KDM2A: variants seen among roughly 807,000 people sequenced by gnomAD.
The protein encoded by KDM2A is lysine demethylase 2A.
A neutral mutation model predicts 137.3 loss-of-function variants in KDM2A; 3 were observed. The ratio of observed to expected loss-of-function variants is 0.02; its 90% confidence interval spans 0.01 to 0.06. KDM2A has a LOEUF of 0.06. Ranked by LOEUF, KDM2A falls within the 10% of genes least tolerant of loss-of-function variation. KDM2A has a pLI of 1.00. For synonymous variants in KDM2A, 512 were observed against 541.5 expected, an observed-to-expected ratio of 0.95 and a Z score of 0.76; for missense variants, 738 against 1,510.6, an observed-to-expected ratio of 0.49 and a Z score of 8.48.
chr11:67,238,784 G>A (rs1347277374), intron 12 of KDM2A, among the ~76,000 whole-genome samples: 4 of 152,174 alleles, frequency 2.6e-5, no homozygotes, highest in Non-Finnish European at 5.9e-5. Flanking sequence ...ATTTGTAAGG[G>A]TCTAAAAGTC....
rs779266193 is a variant in KDM2A, at chr11:67,248,357, C to T, written c.2042C>T (p.Ser681Leu). 9 of 1,601,648 alleles carry T rather than the reference C, an allele frequency of 5.6e-6. No homozygotes were observed. The highest frequency in any genetic ancestry group is 7.7e-6 in the Non-Finnish European group (9 of 1,173,762). The change falls in exon 16 of 21, where the codon TCG becomes TTG. Residue 681 changes from serine (S) to leucine (L), a missense_variant. By Grantham distance (145) the Ser-to-Leu change is moderately radical (BLOSUM62 -2). Coordinates refer to ENST00000529006, the MANE Select transcript of KDM2A (RefSeq NM_012308.3). ...CCAAAGTGCTACCAGGAGGACAGCT[C>T]GGAGAAAGCCCAGGTAAAGGAACCT... ...ECPKCYQEDS[S>L]EKAQKRKMEE...
intron 17 of KDM2A, 172 bp from the exon 18 acceptor site, chr11:67,252,522 G>A: frequency 2.9e-6 from 2 of 683,750 alleles, no homozygotes; most frequent in Non-Finnish European, 5.2e-6. Flanking sequence ...TAGAGTTCAA[G>A]GCAATTTTTT....
At chr11:67,169,715 TTCTCTCTCTCTCTCTCCTTCTCTCTCTC>T (rs1856832938) in intron 2 of KDM2A, among the ~76,000 whole-genome samples, 1 of 136,936 alleles carries the variant, frequency 7.3e-6, no homozygotes, top group African/African-American at 2.5e-5. Flanking sequence ...TTCTTTTTTC[TTCTCTCTCTCTCTCTCCTTCTCTCTCTC>T]TCTCTCTCTC....
chr11:67,246,574 A>T (rs1859214580), intron 15 of KDM2A, among the ~76,000 whole-genome samples: 1 of 145,746 alleles, frequency 6.9e-6, no homozygotes, highest in Non-Finnish European at 1.5e-5. Flanking sequence ...AAATAGCTTT[A>T]AAAAAAAAAA....
At chr11:67,247,072 T>TTTTA (rs1859266027) in intron 15 of KDM2A, among the ~76,000 whole-genome samples, 1 of 18,354 alleles carries the variant, frequency 5.4e-5, no homozygotes, top group African/African-American at 2.0e-4. Context: ...TATATATATA[T>TTTTA]TTTTTTTTTT....
intron 9 of KDM2A, among the ~76,000 whole-genome samples, chr11:67,218,195 T>G (rs1448540262): frequency 6.6e-6 from 1 of 152,170 alleles, no homozygotes; most frequent in Non-Finnish European, 1.5e-5. Flanking sequence ...TGATACACAA[T>G]CTATGTTGAA....
chr11:67,128,580 A>G (rs1002315915), intron 2 of KDM2A, among the ~76,000 whole-genome samples: 1 of 152,138 alleles, frequency 6.6e-6, no homozygotes, highest in African/African-American at 2.4e-5. Context: ...GGGTGATTCA[A>G]AAATGCAGAT....
chr11:67,206,605 G>A (rs1033559573), intron 5 of KDM2A, among the ~76,000 whole-genome samples: 1 of 151,992 alleles, frequency 6.6e-6, no homozygotes, highest in East Asian at 1.9e-4. Context: ...GGGTAGTGGC[G>A]TGTGCCTGTA....
chr11:67,169,240 C>T (rs1176363559), intron 2 of KDM2A, among the ~76,000 whole-genome samples: 2 of 152,020 alleles, frequency 1.3e-5, no homozygotes, highest in East Asian at 3.9e-4. Flanking sequence ...AGGCGTGAGC[C>T]ACTGCACCCG....
intron 5 of KDM2A, among the ~76,000 whole-genome samples, chr11:67,205,921 C>T (rs1240732129): frequency 1.3e-5 from 2 of 152,032 alleles, no homozygotes; most frequent in African/African-American, 4.8e-5. Context: ...TATTCTTCTC[C>T]CTCTTTTCCT....
intron 10 of KDM2A, among the ~76,000 whole-genome samples, chr11:67,219,911 T>C (rs1858289915): frequency 6.6e-6 from 1 of 152,170 alleles, no homozygotes; most frequent in South Asian, 2.1e-4. Flanking sequence ...CTGTGAGGTT[T>C]TTGGTATCTT....
At chr11:67,225,322 G>A (rs1425663755) in intron 10 of KDM2A, among the ~76,000 whole-genome samples, 2 of 152,106 alleles carry the variant, frequency 1.3e-5, no homozygotes, top group East Asian at 1.9e-4. Flanking sequence ...AGAAAACATA[G>A]CATTCCTATG....
rs1859560762 is a variant in KDM2A at position 67,255,160 on chromosome 11, C to T, written c.*105C>T. On this transcript the variant is annotated 3_prime_UTR_variant, in exon 21 of 21. Coordinates refer to ENST00000529006, the MANE Select transcript of KDM2A (RefSeq NM_012308.3). Reference sequence around the variant, plus strand: ...CGGGCTCTGAGGCCAGCGTCACACTCCCTCTCTGCTCTCCTGTCCCTTGAG... The same window carrying T: ...CGGGCTCTGAGGCCAGCGTCACACTTCCTCTCTGCTCTCCTGTCCCTTGAG... 2 of 983,834 alleles carry T rather than the reference C, an allele frequency of 2.0e-6. No homozygotes were observed. Among genetic ancestry groups the T allele is most frequent in the Non-Finnish European group, 3.0e-6 (2 of 663,872 alleles). The allele number at this position is 983,834 out of a possible 1,614,324, so 60.9% of individuals were successfully genotyped here.
At chr11:67,221,964 C>T (rs569006636) in intron 10 of KDM2A, among the ~76,000 whole-genome samples, 1 of 145,378 alleles carries the variant, frequency 6.9e-6, no homozygotes, top group East Asian at 2.0e-4. Flanking sequence ...GATGTCTATT[C>T]TAAAATAGGT....
At chr11:67,121,919 T>C (rs1221122367) in intron 2 of KDM2A, among the ~76,000 whole-genome samples, 2 of 152,214 alleles carry the variant, frequency 1.3e-5, no homozygotes, top group Non-Finnish European at 2.9e-5. Context: ...GGGAGGAATG[T>C]ACGAGATAGA....
chr11:67,125,053 G>A (rs1187726365), intron 2 of KDM2A, among the ~76,000 whole-genome samples: 1 of 151,706 alleles, frequency 6.6e-6, no homozygotes, highest in Non-Finnish European at 1.5e-5. Context: ...AGTAGAGATG[G>A]GGTTTCACCA....
intron 2 of KDM2A, among the ~76,000 whole-genome samples, chr11:67,178,102 C>T (rs538038932): frequency 6.6e-6 from 1 of 152,236 alleles, no homozygotes; most frequent in East Asian, 1.9e-4. Flanking sequence ...CATACAGTCT[C>T]CTCATTTAAA....
Position 67,250,712 on chromosome 11 carries a change from G to T in KDM2A, c.2682G>T (p.Gln894His), listed in dbSNP as rs1205319237. 6.3e-7 allele frequency: 1 copy of T among 1,583,764 alleles called. No homozygotes were observed. The highest frequency in any genetic ancestry group is 1.2e-5 in the South Asian group (1 of 85,526). ...WAQDGDESWMQREVWMSVFRY... is the reference protein window; with the variant it reads ...WAQDGDESWMHREVWMSVFRY... ...AGGATGGAGACGAAAGCTGGATGCA[G>T]CGGGAGGTCTGGATGTCTGTCTTCC... Residue 894 changes from glutamine (Q) to histidine (H), a missense_variant, in exon 17 of 21, where the codon CAG becomes CAT. By Grantham distance (24) the Gln-to-His change is conservative (BLOSUM62 0). Coordinates refer to ENST00000529006, the MANE Select transcript of KDM2A (RefSeq NM_012308.3). The surrounding 1 kb of genome is among the most constrained non-coding windows in gnomAD (Gnocchi z 7.1).
intron 7 of KDM2A, 73 bp downstream of exon 7, chr11:67,215,519 C>A: frequency 1.0e-6 from 1 of 954,788 alleles, no homozygotes; most frequent in South Asian, 1.4e-5. Context: ...TGGCTTCTCC[C>A]TTACGAGCTT....
Sources: allele counts gnomAD v4.1 joint callset (sites outside exome capture counted in the v4.1 genomes callset), GRCh38; gene constraint gnomAD v4.1.1; non-coding constraint Gnocchi (gnomAD v3.1); transcripts MANE v1.5; gene names NCBI Gene and HGNC (gene_info 2026-07-23, HGNC 2026-07-21).